SLC25A41: variants seen among roughly 807,000 people sequenced by gnomAD.
The protein encoded by SLC25A41 is mitochondrial carrier protein SCaMC-3L.
Under a neutral mutation model 34.7 loss-of-function variants are expected in SLC25A41, and 35 were observed. The ratio of observed to expected loss-of-function variants is 1.01; its 90% CI spans 0.77 to 1.34. SLC25A41 has a LOEUF of 1.34. SLC25A41 is among the 40% of genes most tolerant of loss of function. The probability of loss-of-function intolerance (pLI) is 0.00; values close to 1 mark genes in which losing one functional copy is unlikely to be tolerated. For synonymous variants in SLC25A41, 190 were observed against 209.9 expected (o/e 0.91, Z 0.82); for missense variants, 492 against 489.8 (o/e 1.00, Z -0.04).
At chr19:6,435,594 T>C (rs983645685), upstream of SLC25A41, among the ~76,000 whole-genome samples, 2 of 152,004 alleles carry the variant, frequency 1.3e-5, no homozygotes, top group African/African-American at 4.8e-5. Context: ...TGGTGGTGCA[T>C]ACCTGTAATC....
rs777506116 is a variant in SLC25A41, at chr19:6,427,072, C to A, written c.940+31G>T. ...CAGCCAGGGTGGGGCGGGGAAGGGG[C>A]ATGCGTGGTGGCCGCTGGGGACAGG... On this transcript the variant is annotated intron_variant, in intron 6 of 6. Coordinates refer to ENST00000321510, the MANE Select transcript of SLC25A41 (RefSeq NM_173637.4). The surrounding 1 kb of genome is among the most constrained non-coding windows in gnomAD (Gnocchi z 4.9). The A allele has an allele frequency of 1.3e-6, 2 of 1,570,718 alleles. No homozygotes were observed. Among genetic ancestry groups the A allele is most frequent in the Non-Finnish European group, 1.7e-6 (2 of 1,158,844 alleles).
chr19:6,429,867 G>A, intron 3 of SLC25A41, 36 bp from the exon 4 acceptor site: 1 of 1,599,704 alleles, frequency 6.3e-7, no homozygotes, highest in Non-Finnish European at 8.5e-7. Context: ...AGAGAAGTCA[G>A]CCACCCTCCG....
In SLC25A41 at chr19:6,433,561, C is replaced by T. The variant is rs754966746; in HGVS notation, c.133G>A (p.Gly45Ser). The change falls in exon 1 of 7, where the codon GGC becomes AGC. Residue 45 changes from glycine to serine, a missense_variant. Coordinates refer to ENST00000321510, the MANE Select transcript of SLC25A41 (RefSeq NM_173637.4). ...PPPPPPSWNP[G>S]CTHVYGYAFG... ...GCGTACCCATACACGTGTGTACAGC[C>T]AGGGTTCCAGGATGGGGGTGGAGGC... The T allele has an allele frequency of 1.2e-6, 2 of 1,604,788 alleles. No homozygotes were observed. Among genetic ancestry groups the T allele is most frequent in the African/African-American group, 2.7e-5 (2 of 74,196 alleles).
intron 4 of SLC25A41, among the ~76,000 whole-genome samples, chr19:6,429,134 A>ATATATAATATATATATTATATATGT (rs1429575623): frequency 1.8e-5 from 1 of 54,662 alleles, no homozygotes; most frequent in African/African-American, 1.0e-4. Context: ...TATATGTTAT[A>ATATATAATATATATATTATATATGT]TATATATATA....
intron 6 of SLC25A41, 75 bp from the exon 7 acceptor site, chr19:6,426,636 A>G: frequency 1.3e-6 from 2 of 1,538,390 alleles, no homozygotes; most frequent in African/African-American, 1.4e-5. Context: ...TGTTGCGGAC[A>G]GGTGCTGAAG....
rs769602166 is a variant in SLC25A41 at position 6,432,212 on chromosome 19, G to A, written c.208-8C>T. 1.2e-5 allele frequency: 20 copies of A among 1,610,996 alleles called. No homozygotes were observed. The Admixed American group carries it at 2.8e-4, about 23-fold the overall frequency. ...CTCTCCTGTGTCCAGTACCTGCAGG[G>A]CAGACCCGGCCCTCCCTCATCCTCA... On this transcript the variant is annotated splice_polypyrimidine_tract_variant and splice_region_variant and intron_variant, in intron 1 of 6. Coordinates refer to ENST00000321510, the MANE Select transcript of SLC25A41 (RefSeq NM_173637.4).
At chr19:6,426,683 G>A in intron 6 of SLC25A41, 122 bp from the exon 7 acceptor site, 1 of 975,286 alleles carries the variant, frequency 1.0e-6, no homozygotes. Context: ...TAGGAAAACA[G>A]TTTGAAGAGT....
rs1222767586 is a variant in SLC25A41, at chr19:6,429,076, T to C, written c.624+648A>G. Reference sequence around the variant, plus strand: ...ATATATATGTTATATATATATATAATATATATATTATATATATGTTACATA... The same window carrying C: ...ATATATATGTTATATATATATATAACATATATATTATATATATGTTACATA... On this transcript the variant is annotated intron_variant, in intron 4 of 6. Coordinates refer to ENST00000321510, the MANE Select transcript of SLC25A41 (RefSeq NM_173637.4). Among the ~76,000 whole-genome samples the C allele has an allele frequency of 3.3e-4, 16 of 48,118 alleles. 4 individuals carry two copies. Among genetic ancestry groups the C allele is most frequent in the African/African-American group, 1.2e-3 (10 of 8,030 alleles). The allele number at this position is 48,118 out of a possible 152,430, so 31.6% of individuals were successfully genotyped here.
intron 2 of SLC25A41, chr19:6,430,689 T>G (rs904334025): frequency 5.2e-5 from 11 of 209,832 alleles, no homozygotes; most frequent in Non-Finnish European, 8.9e-5. Flanking sequence ...GGGTTTGCCA[T>G]GTTGGCCAGG....
In SLC25A41 at chr19:6,430,149, T is replaced by C. The variant is rs1568350832; in HGVS notation, c.376A>G (p.Lys126Glu). ...AKVYMQVYSS[K>E]TNFTNLLGGL... ...CCCAGCAGGTTGGTGAAGTTCGTCT[T>C]GGAGGAGTAGACCTGGGTGGAGGGA... Residue 126 changes from lysine (K) to glutamate (E), a missense_variant, in exon 3 of 7, where the codon AAG becomes GAG. Lys to Glu is a moderately conservative substitution (Grantham distance 56). Transcript: ENST00000321510. The C allele has an allele frequency of 6.2e-7, 1 of 1,612,368 alleles. No homozygotes were observed. Among genetic ancestry groups the C allele is most frequent in the Non-Finnish European group, 8.5e-7 (1 of 1,179,158 alleles).
Position 6,433,615 on chromosome 19 carries a change from T to C in SLC25A41, c.79A>G (p.Ile27Val), listed in dbSNP as rs774379836. Residue 27 changes from isoleucine to valine, a missense_variant, in exon 1 of 7, where the codon ATC becomes GTC. Ile to Val is a conservative substitution (Grantham distance 29, BLOSUM62 3). Coordinates refer to ENST00000321510, the MANE Select transcript of SLC25A41 (RefSeq NM_173637.4). Reference protein sequence around the residue: ...TLFRRVKTLLIKAPPPPQPPP... With the variant: ...TLFRRVKTLLVKAPPPPQPPP... ...GGTTGGGGGGGAGGCGGGGCTTTGA[T>C]GAGTAAGGTCTTGACCCTCCTAAAC... is the stretch of plus-strand genomic sequence containing the variant. 5 of 1,611,770 alleles carry C rather than the reference T, an allele frequency of 3.1e-6. No individual in the cohort carries two copies. In the Admixed American group the frequency reaches 6.7e-5, roughly 22 times the overall value.
Position 6,433,505 on chromosome 19 carries a change from T to G in SLC25A41, c.189A>C (p.Glu63Asp), listed in dbSNP as rs1326342118. Residue 63 changes from glutamate to aspartate, a missense_variant, in exon 1 of 7, where the codon GAA (glutamate) becomes GAC (aspartate). Coordinates refer to ENST00000321510, the MANE Select transcript of SLC25A41 (RefSeq NM_173637.4). ...AFGHMHDNNL[E>D]HLPSQQVLDT... ...AACTCACCTGCTGTGACGGGAGATGTTCAAGGTTGTTGTCATGCATGTGGC... is the reference window on the plus strand; with the variant it reads ...AACTCACCTGCTGTGACGGGAGATGGTCAAGGTTGTTGTCATGCATGTGGC... 1 of 1,612,762 alleles carries G rather than the reference T, an allele frequency of 6.2e-7. No homozygotes were observed. Among genetic ancestry groups the G allele is most frequent in the African/African-American group, 1.3e-5 (1 of 74,844 alleles).
chr19:6,432,195 T>C lies in SLC25A41; in HGVS notation c.217A>G (p.Thr73Ala). 2 of 1,613,550 alleles carry C rather than the reference T, an allele frequency of 1.2e-6. No individual in the cohort carries two copies. Among genetic ancestry groups the C allele is most frequent in the Non-Finnish European group, 8.5e-7 (1 of 1,179,674 alleles). ...EHLPSQQVLD[T>A]GEQLMVPVEV... Reference sequence around the variant, plus strand: ...ACGGGGACCATCAGCTGCTCTCCTGTGTCCAGTACCTGCAGGGCAGACCCG... The same window carrying C: ...ACGGGGACCATCAGCTGCTCTCCTGCGTCCAGTACCTGCAGGGCAGACCCG... Residue 73 changes from threonine (T) to alanine (A), a missense_variant, in exon 2 of 7, where the codon ACA (threonine) becomes GCA (alanine). By Grantham distance (58) the Thr-to-Ala change is moderately conservative. Transcript: ENST00000321510.
rs1398395797 is a variant in SLC25A41, at chr19:6,427,784, C to T, written c.625-283G>A. 1.3e-5 allele frequency among the ~76,000 whole-genome samples: 2 copies of T among 151,954 alleles called. No individual in the cohort carries two copies. The highest frequency in any genetic ancestry group is 2.9e-5 in the Non-Finnish European group (2 of 67,974). Reference sequence around the variant, plus strand: ...GGAGGATCGCTTGAGGCCGGGAGTTCGAGACCAGCCTGGGCAACATAGCGA... The same window carrying T: ...GGAGGATCGCTTGAGGCCGGGAGTTTGAGACCAGCCTGGGCAACATAGCGA... On this transcript the variant is annotated intron_variant, in intron 4 of 6. Coordinates refer to ENST00000321510, the MANE Select transcript of SLC25A41 (RefSeq NM_173637.4). The surrounding 1 kb of genome is among the most constrained non-coding windows in gnomAD (Gnocchi z 4.9).
chr19:6,433,210 G>T (rs2092293599), intron 1 of SLC25A41, among the ~76,000 whole-genome samples: 1 of 151,778 alleles, frequency 6.6e-6, no homozygotes, highest in Non-Finnish European at 1.5e-5. Context: ...CACCATGCCT[G>T]GCTAAGTTTT....
rs781699484 is a variant in SLC25A41 at position 6,427,298 on chromosome 19, C to T, written c.792+36G>A. ...GAAAGCTCACTAGGAGCCTGGGCTC[C>T]GGCCAGCCCTGCCACCCCCTCTGCA... On this transcript the variant is annotated intron_variant, in intron 5 of 6. Transcript: ENST00000321510. This position sits in a 1 kb window ranked among gnomAD's most constrained non-coding sequence, Gnocchi z 4.9. The T allele has an allele frequency of 1.4e-5, 22 of 1,606,244 alleles. No individual in the cohort carries two copies. In the Admixed American group the frequency reaches 1.5e-4, roughly 11 times the overall value.
intron 4 of SLC25A41, among the ~76,000 whole-genome samples, chr19:6,429,290 T>C (rs1381087043): frequency 2.0e-5 from 2 of 98,628 alleles, no homozygotes; most frequent in African/African-American, 3.6e-5. Flanking sequence ...CATATATAAA[T>C]TTATAGAAAG....
rs2092279005 is a variant in SLC25A41, at chr19:6,430,173, G to C, written c.364-12C>G. The C allele has an allele frequency of 6.2e-7, 1 of 1,602,276 alleles. No homozygotes were observed. ...TTGGAGGAGTAGACCTGGGTGGAGG[G>C]AGGACCCTGGAGGAGCCCCTGCTCG... On this transcript the variant is annotated splice_polypyrimidine_tract_variant and intron_variant, in intron 2 of 6. Transcript: ENST00000321510.
intron 4 of SLC25A41, among the ~76,000 whole-genome samples, 197 bp downstream of exon 4, chr19:6,429,523 GAGAA>G: frequency 9.4e-6 from 1 of 106,514 alleles, no homozygotes; most frequent in Non-Finnish European, 2.0e-5. Context: ...GAGGAGGAAG[GAGAA>G]AGGAGGAGGA....
Sources: gnomAD v4.1 joint callset for allele counts (sites outside exome capture counted in the v4.1 genomes callset) on GRCh38, gnomAD v4.1.1 for gene constraint, Gnocchi (gnomAD v3.1) non-coding constraint, MANE v1.5 for transcripts, NCBI Gene and HGNC (gene_info 2026-07-23, HGNC 2026-07-21) for gene names.